Variants in SDHB observed in about 807,000 individuals in gnomAD.
The protein encoded by SDHB is succinate dehydrogenase complex iron sulfur subunit B, also known as succinate dehydrogenase [ubiquinone] iron-sulfur subunit, mitochondrial.
In SDHB, 21 loss-of-function variants were observed where a neutral mutation model predicts 39.7. The ratio of observed to expected loss-of-function variants is 0.53; its 90% CI spans 0.37 to 0.76. The LOEUF is 0.76. SDHB is among the 30% of genes least tolerant of loss of function. The pLI, the probability that SDHB is intolerant of heterozygous loss-of-function variation, is 0.00. For missense variants in SDHB, 343 were observed against 350.9 expected, an observed-to-expected ratio of 0.98 and a Z score of 0.18; for synonymous variants, 118 against 117.0, an observed-to-expected ratio of 1.01 and a Z score of -0.06.
At chr1:17,021,244 C>A (rs2077960556) in intron 7 of SDHB, among the ~76,000 whole-genome samples, 1 of 152,224 alleles carries the variant, frequency 6.6e-6, no homozygotes, top group South Asian at 2.1e-4. Context: ...TCTGCCCTCA[C>A]AAATGGATTG....
chr1:17,037,055 G>T (rs537568666), intron 2 of SDHB, among the ~76,000 whole-genome samples: 5 of 152,124 alleles, frequency 3.3e-5, no homozygotes, highest in Middle Eastern at 3.4e-3. Context: ...GCTATTTTTT[G>T]TGTGTGTATA....
intron 7 of SDHB, among the ~76,000 whole-genome samples, chr1:17,019,840 C>T (rs958209336): frequency 1.3e-5 from 2 of 152,116 alleles, no homozygotes; most frequent in Non-Finnish European, 2.9e-5. Flanking sequence ...TCAAGTGATC[C>T]TCCGGCCTCA....
intron 4 of SDHB, among the ~76,000 whole-genome samples, chr1:17,028,161 G>A (rs2078001922): frequency 6.6e-6 from 1 of 152,204 alleles, no homozygotes; most frequent in Admixed American, 6.5e-5. Context: ...AATATAGGGA[G>A]GTAGAAATTA....
At chr1:17,042,951 TGA>T (rs1210427773) in intron 2 of SDHB, among the ~76,000 whole-genome samples, 7 of 133,222 alleles carry the variant, frequency 5.3e-5, no homozygotes, top group South Asian at 2.4e-4. Flanking sequence ...TTTTGTTTTA[TGA>T]GTTTTTTTTT....
Position 17,051,699 on chromosome 1 carries a change from A to AG in SDHB, c.72+2248dup, listed in dbSNP as rs756970539. Among the ~76,000 whole-genome samples, 155 of 80,016 alleles carry AG rather than the reference A, an allele frequency of 1.9e-3. 1 individual carries two copies. The highest frequency in any genetic ancestry group is 5.4e-3 in the African/African-American group (120 of 22,136). 52.5% of individuals were successfully genotyped at this position (80,016 alleles called of 152,430 possible). ...TCTGCCTCATAAGATAACCCGGGGG[A>AG]GGGGGGGTCAAGTTTCTAGCATAGC... On this transcript the variant is annotated intron_variant, in intron 1 of 7. Coordinates refer to ENST00000375499, the MANE Select transcript of SDHB (RefSeq NM_003000.3).
At chr1:17,039,184 C>T (rs1570954751) in intron 2 of SDHB, among the ~76,000 whole-genome samples, 1 of 151,970 alleles carries the variant, frequency 6.6e-6, no homozygotes, top group South Asian at 2.1e-4. Flanking sequence ...CTGTTCTCTT[C>T]TTCTTTTCTT....
chr1:17,053,401 G>A (rs2101550988), intron 1 of SDHB, among the ~76,000 whole-genome samples: 1 of 152,162 alleles, frequency 6.6e-6, no homozygotes, highest in South Asian at 2.1e-4. Flanking sequence ...CCACCTCCGG[G>A]ATCCTTCGAG....
chr1:17,044,888 C>T lies in SDHB; in HGVS notation c.73G>A (p.Ala25Thr), dbSNP rs768101924. 3.1e-6 allele frequency: 5 copies of T among 1,613,050 alleles called. No homozygotes were observed. The African/African-American group carries it at 4.0e-5, about 13-fold the overall frequency. Residue 25 changes from alanine to threonine, a missense_variant and splice_region_variant, in exon 2 of 8, where the codon GCC becomes ACC. Ala to Thr is a moderately conservative substitution (Grantham distance 58, BLOSUM62 0). Coordinates refer to ENST00000375499, the MANE Select transcript of SDHB (RefSeq NM_003000.3). Reference protein sequence around the residue: ...ATTLGGACLQASRGAQTAAAT... With the variant: ...ATTLGGACLQTSRGAQTAAAT... ...GCAGCTGTCTGGGCTCCTCGGGAGG[C>T]CTGAAATTTTTTAAAGTTCACAAAA...
intron 3 of SDHB, among the ~76,000 whole-genome samples, chr1:17,030,513 T>C (rs560735265): frequency 1.3e-5 from 2 of 152,252 alleles, no homozygotes; most frequent in East Asian, 1.9e-4. Flanking sequence ...GACCCCGACA[T>C]GAGAATTTTC....
In SDHB at chr1:17,051,698, G is replaced by T. The variant is rs914800754; in HGVS notation, c.72+2250C>A. ...ATCTGCCTCATAAGATAACCCGGGGGAGGGGGGGTCAAGTTTCTAGCATAG... is the reference window on the plus strand; with the variant it reads ...ATCTGCCTCATAAGATAACCCGGGGTAGGGGGGGTCAAGTTTCTAGCATAG... On this transcript the variant is annotated intron_variant, in intron 1 of 7. Coordinates refer to ENST00000375499, the MANE Select transcript of SDHB (RefSeq NM_003000.3). Among the ~76,000 whole-genome samples, 72 of 150,442 alleles carry T rather than the reference G, an allele frequency of 4.8e-4. 1 individual carries two copies. Among genetic ancestry groups the T allele is most frequent in the Middle Eastern group, 3.4e-3 (1 of 292 alleles).
chr1:17,035,155 C>G (rs187423633), intron 2 of SDHB, among the ~76,000 whole-genome samples: 2 of 152,230 alleles, frequency 1.3e-5, no homozygotes, highest in African/African-American at 4.8e-5. Context: ...ATTTTGGTAA[C>G]AGAATTTTAA....
chr1:17,053,204 A>T (rs2078158187), intron 1 of SDHB, among the ~76,000 whole-genome samples: 1 of 152,096 alleles, frequency 6.6e-6, no homozygotes, highest in African/African-American at 2.4e-5. Context: ...GCGTGGGAAA[A>T]TCTGTTACTG....
At chr1:17,022,541 T>G (rs562170181) in intron 7 of SDHB, 67 bp downstream of exon 7, 1 of 1,603,528 alleles carries the variant, frequency 6.2e-7, no homozygotes, top group East Asian at 2.2e-5. Flanking sequence ...ATCACCTCTT[T>G]GTGAGCACAT....
intron 1 of SDHB, among the ~76,000 whole-genome samples, chr1:17,050,847 C>T (rs900178816): frequency 8.5e-5 from 13 of 152,130 alleles, no homozygotes; most frequent in African/African-American, 3.1e-4. Flanking sequence ...CCAAAAAATT[C>T]GTTGAATACA....
rs1570948513 is a variant in SDHB at position 17,028,606 on chromosome 1, A to G, written c.417T>C (p.Leu139=). The change falls in exon 4 of 8, where the codon CTT becomes CTC. Residue 139 remains leucine (L), a synonymous_variant. Coordinates refer to ENST00000375499, the MANE Select transcript of SDHB (RefSeq NM_003000.3). Reference sequence around the variant, plus strand: ...GAGAGATGCAGAAACTCACGGGAACAAGATCCTTTATCACATACATGTGTG... The same window carrying G: ...GAGAGATGCAGAAACTCACGGGAACGAGATCCTTTATCACATACATGTGTG... ...PLPHMYVIKD[L]VPDLSNFYAQ... 4 of 1,614,178 alleles carry G rather than the reference A, an allele frequency of 2.5e-6. No homozygotes were observed. The highest frequency in any genetic ancestry group is 3.4e-6 in the Non-Finnish European group (4 of 1,180,022).
intron 1 of SDHB, chr1:17,052,231 A>C (rs1238361548): frequency 6.6e-6 from 1 of 152,246 alleles, no homozygotes; most frequent in African/African-American, 2.4e-5. Flanking sequence ...AACAATAGTT[A>C]ATATACTACA....
chr1:17,049,564 T>G (rs1423230591), intron 1 of SDHB, among the ~76,000 whole-genome samples: 1 of 151,434 alleles, frequency 6.6e-6, no homozygotes, highest in Non-Finnish European at 1.5e-5. Flanking sequence ...TCCAAAGTGT[T>G]GGGATTACAG....
intron 6 of SDHB, chr1:17,023,125 A>G (rs947571473): frequency 9.8e-5 from 33 of 337,980 alleles, no homozygotes; most frequent in Middle Eastern, 1.1e-3. Context: ...TGAGTAAAGG[A>G]ATGATTTAAC....
At chr1:17,044,619 C>T in intron 2 of SDHB, 142 bp downstream of exon 2, 1 of 1,017,368 alleles carries the variant, frequency 9.8e-7, no homozygotes, top group East Asian at 2.5e-5. Context: ...AGCCACCGTG[C>T]CCGGCCCAAG....
Sources: gnomAD v4.1 joint callset for allele counts (sites outside exome capture counted in the v4.1 genomes callset) on GRCh38, gnomAD v4.1.1 for gene constraint, MANE v1.5 for transcripts, NCBI Gene and HGNC (gene_info 2026-07-23, HGNC 2026-07-21) for gene names.